Variants in KIZ observed in about 807,000 individuals in gnomAD.
KIZ encodes the protein centrosomal protein kizuna.
KIZ carries 68 observed loss-of-function variants against 79.6 expected under a neutral mutation model. The observed-to-expected ratio is 0.85, with a 90% CI of 0.70 to 1.05. KIZ has a LOEUF of 1.05. Among genes scored for constraint, KIZ ranks in the 50% least tolerant of loss-of-function variants. The pLI is 0.00. For synonymous variants in KIZ, 280 were observed against 281.8 expected (o/e 0.99, Z 0.06); for missense variants, 797 against 800.4 (o/e 1.00, Z 0.05).
At chr20:21,235,888 G>T (rs962359874) in intron 11 of KIZ, among the ~76,000 whole-genome samples, 1 of 152,228 alleles carries the variant, frequency 6.6e-6, no homozygotes, top group African/African-American at 2.4e-5. Context: ...GGCATTTTCT[G>T]TCTTTGCCTG....
At chr20:21,179,814 T>G (rs2034579238) in intron 6 of KIZ, among the ~76,000 whole-genome samples, 1 of 152,238 alleles carries the variant, frequency 6.6e-6, no homozygotes, top group Non-Finnish European at 1.5e-5. Flanking sequence ...TTGATTTATT[T>G]TGTGATCCAT....
chr20:21,184,297 C>G (rs551192656), intron 6 of KIZ, among the ~76,000 whole-genome samples: 16 of 152,026 alleles, frequency 1.1e-4, no homozygotes, highest in African/African-American at 3.9e-4. Flanking sequence ...TTACAGGTGC[C>G]CACCACCACA....
rs1475840398 is a variant in KIZ at position 21,163,099 on chromosome 20, T to C, written c.1292T>C (p.Leu431Ser). The stretch of plus-strand genomic sequence containing the variant: ...CTATCCACTGAAAAAAATTGTATTT[T>C]GCAAACCCTAAGCTCTCCTGATTCA... ...VALSTEKNCI[L>S]QTLSSPDSEK... Residue 431 changes from leucine to serine, a missense_variant, in exon 6 of 13, where the codon TTG becomes TCG. By Grantham distance (145) the Leu-to-Ser change is moderately radical. Transcript: ENST00000619189. The C allele has an allele frequency of 6.2e-6, 10 of 1,613,806 alleles. No homozygotes were observed. Among genetic ancestry groups the C allele is most frequent in the Non-Finnish European group, 7.6e-6 (9 of 1,179,830 alleles).
intron 6 of KIZ, among the ~76,000 whole-genome samples, chr20:21,169,833 T>C (rs537063042): frequency 5.3e-5 from 8 of 152,320 alleles, no homozygotes; most frequent in African/African-American, 1.9e-4. Context: ...CAAGTAGTAT[T>C]ATCAGGTTGG....
intron 6 of KIZ, among the ~76,000 whole-genome samples, chr20:21,191,368 A>G (rs1053496094): frequency 2.0e-5 from 3 of 152,266 alleles, no homozygotes; most frequent in Non-Finnish European, 4.4e-5. Context: ...ACAACTGCTT[A>G]TAAATAAATA....
chr20:21,244,147 G>T (rs1024069979), intron 11 of KIZ, 98 bp from the exon 12 acceptor site: 2 of 830,928 alleles, frequency 2.4e-6, no homozygotes, highest in Admixed American at 4.5e-5. Context: ...CTGGCCTCCA[G>T]TGAATCAAAG....
At chr20:21,215,286 A>G (rs2036239011) in intron 8 of KIZ, among the ~76,000 whole-genome samples, 1 of 152,210 alleles carries the variant, frequency 6.6e-6, no homozygotes, top group South Asian at 2.1e-4. Flanking sequence ...GTTGATGTAC[A>G]TGTGCAGGAT....
chr20:21,138,050 G>A lies in KIZ; in HGVS notation c.315+1498G>A, dbSNP rs1454733832. ...GCCTCCCAGAGTGCTGGAATTATGG[G>A]TTTGAGCCACTGCACCCAGACATAA... On this transcript the variant is annotated intron_variant, in intron 3 of 12. Coordinates refer to ENST00000619189, the MANE Select transcript of KIZ (RefSeq NM_018474.6). Among the ~76,000 whole-genome samples, 4 of 148,024 alleles carry A rather than the reference G, an allele frequency of 2.7e-5. No individual in the cohort carries two copies. In the East Asian group the frequency reaches 7.9e-4, roughly 29 times the overall value.
chr20:21,149,485 G>A (rs533172040), intron 4 of KIZ, among the ~76,000 whole-genome samples: 2 of 152,220 alleles, frequency 1.3e-5, no homozygotes, highest in Non-Finnish European at 2.9e-5. Flanking sequence ...CTCGACTGAA[G>A]AAGAACTTGA....
intron 9 of KIZ, chr20:21,218,399 A>G (rs1178333180): frequency 6.6e-6 from 1 of 152,140 alleles, no homozygotes. Flanking sequence ...GTGCTGCCCC[A>G]CAAGTATTGA....
intron 6 of KIZ, chr20:21,197,184 T>C (rs1257867998): frequency 6.6e-6 from 1 of 152,214 alleles, no homozygotes; most frequent in Admixed American, 6.5e-5. Flanking sequence ...CTAATCTATT[T>C]GAAGGCTACT....
chr20:21,215,120 GTTGA>G (rs759256203), intron 8 of KIZ, among the ~76,000 whole-genome samples: 55 of 152,294 alleles, frequency 3.6e-4, no homozygotes, highest in Non-Finnish European at 5.4e-4. Flanking sequence ...TGTCTAAACA[GTTGA>G]TTAAGAATCA....
upstream of KIZ, chr20:21,126,014 G>T (rs533915288): frequency 7.5e-7 from 1 of 1,331,348 alleles, no homozygotes; most frequent in African/African-American, 1.5e-5. Context: ...CAGGCGGCCC[G>T]GCGCGGTGTT....
At chr20:21,150,463 T>TGGGA (rs2033064205) in intron 4 of KIZ, among the ~76,000 whole-genome samples, 1 of 152,220 alleles carries the variant, frequency 6.6e-6, no homozygotes, top group Non-Finnish European at 1.5e-5. Flanking sequence ...TCTGAGCAGT[T>TGGGA]GCCTTCACGG....
At chr20:21,182,163 A>G (rs1317323362) in intron 6 of KIZ, among the ~76,000 whole-genome samples, 1 of 152,222 alleles carries the variant, frequency 6.6e-6, no homozygotes, top group East Asian at 1.9e-4. Context: ...ACTTTGGGTT[A>G]GATGAGGTCA....
chr20:21,245,752 C>G (rs1394082179), intron 12 of KIZ: 1 of 152,248 alleles, frequency 6.6e-6, no homozygotes, highest in Non-Finnish European at 1.5e-5. Context: ...CAAGGCAGCC[C>G]AAAGTACCAG....
intron 12 of KIZ, 177 bp downstream of exon 12, chr20:21,244,465 C>T: frequency 1.6e-6 from 1 of 614,532 alleles, no homozygotes; most frequent in South Asian, 2.0e-5. Flanking sequence ...CAGTTCTTCA[C>T]AGACAGGACC....
intron 9 of KIZ, among the ~76,000 whole-genome samples, chr20:21,223,979 T>C (rs1398428790): frequency 6.6e-6 from 1 of 151,510 alleles, no homozygotes; most frequent in Non-Finnish European, 1.5e-5. Context: ...CACCCGGCCT[T>C]ATTTCCTTAT....
At chr20:21,156,570 A>G (rs1250738353) in intron 4 of KIZ, among the ~76,000 whole-genome samples, 3 of 152,174 alleles carry the variant, frequency 2.0e-5, no homozygotes, top group African/African-American at 7.2e-5. Context: ...ACTTGGTGAT[A>G]ATAATAATAA....
Sources: allele counts gnomAD v4.1 joint callset (sites outside exome capture counted in the v4.1 genomes callset), GRCh38; gene constraint gnomAD v4.1.1; transcripts MANE v1.5; gene names NCBI Gene and HGNC (gene_info 2026-07-23, HGNC 2026-07-21).